The following KIAA2012 variants were observed in gnomAD, a reference collection of about 807,000 sequenced individuals.
KIAA2012 encodes uncharacterized protein KIAA2012.
A neutral mutation model predicts 150.6 loss-of-function variants in KIAA2012; 125 were observed. The observed-to-expected ratio is 0.83, with a 90% CI of 0.72 to 0.96. The LOEUF is 0.96. Among genes scored for constraint, KIAA2012 ranks in the 40% least tolerant of loss-of-function variants. The probability of loss-of-function intolerance (pLI) is 0.00; values close to 1 mark genes in which losing one functional copy is unlikely to be tolerated. For synonymous variants in KIAA2012, 462 were observed against 504.7 expected (o/e 0.92, Z 1.13); for missense variants, 1,219 against 1,354.9 (o/e 0.90, Z 1.57).
At chr2:202,190,823 G>A (rs963561004) in intron 19 of KIAA2012, among the ~76,000 whole-genome samples, 4 of 152,162 alleles carry the variant, frequency 2.6e-5, no homozygotes, top group South Asian at 2.1e-4. Context: ...GGAAAGGTGG[G>A]TACTGGCTGT....
intron 2 of KIAA2012, among the ~76,000 whole-genome samples, chr2:202,086,304 G>T (rs1351493376): frequency 6.6e-6 from 1 of 152,122 alleles, no homozygotes; most frequent in Non-Finnish European, 1.5e-5. Flanking sequence ...GAAGAGGCTG[G>T]TCCTTACTGC....
At chr2:202,203,217 A>G (rs912242530) in intron 23 of KIAA2012, among the ~76,000 whole-genome samples, 4 of 152,188 alleles carry the variant, frequency 2.6e-5, no homozygotes, top group African/African-American at 9.6e-5. Context: ...ATTTCAGTCA[A>G]TGTATCTGAA....
At chr2:202,162,185 T>C (rs1476987273) in intron 14 of KIAA2012, among the ~76,000 whole-genome samples, 1 of 152,146 alleles carries the variant, frequency 6.6e-6, no homozygotes, top group Non-Finnish European at 1.5e-5. Context: ...AATGCATATA[T>C]ATAAGCAAAT....
At chr2:202,175,086 G>A (rs1053523354) in intron 15 of KIAA2012, among the ~76,000 whole-genome samples, 3 of 152,142 alleles carry the variant, frequency 2.0e-5, no homozygotes, top group East Asian at 3.8e-4. Flanking sequence ...GAATTTATAA[G>A]TTCCCTTCCA....
intron 13 of KIAA2012, among the ~76,000 whole-genome samples, chr2:202,141,033 T>G (rs186377245): frequency 1.3e-5 from 2 of 152,294 alleles, no homozygotes; most frequent in East Asian, 3.9e-4. Context: ...CAGACCTAGA[T>G]TTTGAAAACA....
At chr2:202,113,194 C>A (rs1165733975) in intron 10 of KIAA2012, 142 bp from the exon 11 acceptor site, 1 of 619,868 alleles carries the variant, frequency 1.6e-6, no homozygotes, top group Non-Finnish European at 2.9e-6. Context: ...GTAGGGCTCA[C>A]CCTATACTCT....
intron 2 of KIAA2012, among the ~76,000 whole-genome samples, chr2:202,088,745 G>A (rs961436916): frequency 1.3e-5 from 2 of 152,198 alleles, no homozygotes; most frequent in Non-Finnish European, 2.9e-5. Context: ...AAGTGGTGGG[G>A]CTGAGATTGG....
At position 202,179,523 on chromosome 2, in the gene KIAA2012, G is replaced by C. The variant is rs1240341338; in HGVS notation, c.2120-5230G>C. On this transcript the variant is annotated intron_variant, in intron 15 of 23. Coordinates refer to ENST00000498697, the MANE Select transcript of KIAA2012 (RefSeq NM_001277372.4). Reference sequence around the variant, plus strand: ...ACCAAGCACATAGGTTTGGTGTACAGTGGCGTGGGCCCAGATAACAAAGTG... The same window carrying C: ...ACCAAGCACATAGGTTTGGTGTACACTGGCGTGGGCCCAGATAACAAAGTG... 2.7e-5 allele frequency: 19 copies of C among 698,494 alleles called. No individual in the cohort carries two copies. In the East Asian group the frequency reaches 5.3e-4, roughly 19 times the overall value. The allele number at this position is 698,494 out of a possible 1,614,324, so 43.3% of individuals were successfully genotyped here. A position where few individuals can be genotyped will look rare whatever the true frequency, so the allele number is the denominator to read the frequency against.
At position 202,104,335 on chromosome 2, in the gene KIAA2012, T is replaced by C. The variant is rs1399709054; in HGVS notation, c.1324+1221T>C. 6.6e-6 allele frequency among the ~76,000 whole-genome samples: 1 copy of C among 152,168 alleles called. No individual in the cohort carries two copies. The highest frequency in any genetic ancestry group is 2.4e-5 in the African/African-American group (1 of 41,436). ...ACAACACAGTGTTTTAAAATGCAGG[T>C]CATCTTATTCAGGTGTGGTGAGGCC... On this transcript the variant is annotated intron_variant, in intron 8 of 23. Transcript: ENST00000498697. The surrounding 1 kb of genome is among the most constrained non-coding windows in gnomAD (Gnocchi z 4.3).
At chr2:202,187,160 A>G (rs1692245284) in intron 17 of KIAA2012, 62 bp downstream of exon 17, 1 of 1,520,684 alleles carries the variant, frequency 6.6e-7, no homozygotes. Context: ...CAAGGATACC[A>G]TGCACAGTTG....
rs1214929613 is a variant in KIAA2012 at position 202,146,501 on chromosome 2, A to AC, written c.1908+7994dup. ...CAAAAAATTAGCCAGGTGTGGTAGTACTCACCTGTAGTCCCAGATACTCGG... is the reference window on the plus strand; with the variant it reads ...CAAAAAATTAGCCAGGTGTGGTAGTACCTCACCTGTAGTCCCAGATACTCGG... On this transcript the variant is annotated intron_variant, in intron 13 of 23. Coordinates refer to ENST00000498697, the MANE Select transcript of KIAA2012 (RefSeq NM_001277372.4). 2.6e-5 allele frequency among the ~76,000 whole-genome samples: 4 copies of AC among 151,864 alleles called. No individual in the cohort carries two copies. In the East Asian group the frequency reaches 7.8e-4, roughly 29 times the overall value.
chr2:202,155,447 G>A (rs1034945522), intron 14 of KIAA2012, among the ~76,000 whole-genome samples: 9 of 152,030 alleles, frequency 5.9e-5, no homozygotes, highest in African/African-American at 9.7e-5. Flanking sequence ...CCTTTTCATC[G>A]CACACTCTCT....
intron 10 of KIAA2012, among the ~76,000 whole-genome samples, chr2:202,110,785 C>T (rs1188728439): frequency 1.3e-5 from 2 of 152,064 alleles, no homozygotes; most frequent in Non-Finnish European, 2.9e-5. Context: ...TCTGTCTCCC[C>T]CACTGCCCAG....
chr2:202,141,767 G>A (rs999359656), intron 13 of KIAA2012, among the ~76,000 whole-genome samples: 12 of 152,058 alleles, frequency 7.9e-5, no homozygotes, highest in Non-Finnish European at 1.3e-4. Flanking sequence ...CTCTTACCTC[G>A]GTGAGCTGCT....
chr2:202,129,012 T>C (rs1337821092), intron 12 of KIAA2012, among the ~76,000 whole-genome samples: 3 of 151,882 alleles, frequency 2.0e-5, no homozygotes, highest in East Asian at 3.9e-4. Context: ...GGCAGGAGAA[T>C]TGCTTCTCCT....
At chr2:202,118,031 C>T (rs1690569595) in intron 11 of KIAA2012, among the ~76,000 whole-genome samples, 1 of 152,126 alleles carries the variant, frequency 6.6e-6, no homozygotes, top group East Asian at 1.9e-4. Flanking sequence ...GAGATTCTCT[C>T]GGTGGAGCAG....
chr2:202,199,734 T>C (rs1692477903), intron 22 of KIAA2012, among the ~76,000 whole-genome samples: 1 of 152,166 alleles, frequency 6.6e-6, no homozygotes. Context: ...CAAGTCGTTT[T>C]GTAGTGAGGC....
intron 15 of KIAA2012, among the ~76,000 whole-genome samples, chr2:202,167,219 A>C (rs1691787315): frequency 6.6e-6 from 1 of 151,936 alleles, no homozygotes; most frequent in Non-Finnish European, 1.5e-5. Context: ...TCCAAAGTCC[A>C]GGGAAAGAAT....
chr2:202,131,678 T>G (rs1483477385), intron 12 of KIAA2012, among the ~76,000 whole-genome samples: 1 of 152,066 alleles, frequency 6.6e-6, no homozygotes, highest in Non-Finnish European at 1.5e-5. Flanking sequence ...TAAGCAGAGT[T>G]TCTAAGAATG....
Sources: gnomAD v4.1 joint callset for allele counts (sites outside exome capture counted in the v4.1 genomes callset) on GRCh38, gnomAD v4.1.1 for gene constraint, Gnocchi (gnomAD v3.1) non-coding constraint, MANE v1.5 for transcripts, NCBI Gene and HGNC (gene_info 2026-07-23, HGNC 2026-07-21) for gene names.